APOD: variants seen among roughly 807,000 people sequenced by gnomAD.
APOD encodes apolipoprotein D.
APOD carries 22 observed loss-of-function variants against 20.4 expected under a neutral mutation model. That is an observed-to-expected ratio of 1.08 (90% CI 0.77 to 1.54). The LOEUF (loss-of-function observed/expected upper bound fraction) is 1.54. APOD is among the 40% of genes most tolerant of loss of function. The pLI, the probability that APOD is intolerant of heterozygous loss-of-function variation, is 0.00. For synonymous variants in APOD, 97 were observed against 92.4 expected (o/e 1.05, Z -0.29); for missense variants, 223 against 229.6 (o/e 0.97, Z 0.19).
At chr3:195,569,265 A>G in intron 4 of APOD, 130 bp from the exon 5 acceptor site, 2 of 739,256 alleles carry the variant, frequency 2.7e-6, no homozygotes, top group South Asian at 3.6e-5. Context: ...CAATCCAGAA[A>G]CAGAAAGACC....
chr3:195,582,675 G>C (rs533515156), intron 1 of APOD: 5 of 152,344 alleles, frequency 3.3e-5, no homozygotes, highest in African/African-American at 1.2e-4. Flanking sequence ...ATGGGAGGCA[G>C]AGGTTGCAGT....
intron 2 of APOD, among the ~76,000 whole-genome samples, chr3:195,575,982 A>T (rs1381040846): frequency 6.6e-6 from 1 of 152,208 alleles, no homozygotes; most frequent in Admixed American, 6.5e-5. Context: ...TCAGAACTTG[A>T]AAAGAGAGGA....
chr3:195,573,834 G>T lies in APOD; in HGVS notation c.245+16C>A, dbSNP rs1428510078. 1.9e-6 allele frequency: 3 copies of T among 1,612,776 alleles called. No individual in the cohort carries two copies. Among genetic ancestry groups the T allele is most frequent in the South Asian group, 1.1e-5 (1 of 90,900 alleles). On this transcript the variant is annotated intron_variant, in intron 3 of 4. Coordinates refer to ENST00000343267, the MANE Select transcript of APOD (RefSeq NM_001647.4). ...GCACTCCGCAGGCCTGGCCCCGGAC[G>T]CCCACAGCCACTCACCTCAACTCCT...
intron 4 of APOD, among the ~76,000 whole-genome samples, chr3:195,570,031 C>A (rs1224533805): frequency 6.6e-6 from 1 of 152,030 alleles, no homozygotes; most frequent in Admixed American, 6.5e-5. Context: ...GAACTCCTGA[C>A]TTCGTGATAT....
Position 195,568,812 on chromosome 3 carries a change from G to T in APOD, c.*88C>A. ...GTTCAGGTCAACTTCCTTTGTCGTG[G>T]TTGATTGGTTTGTCTTTATGGGGGG... On this transcript the variant is annotated 3_prime_UTR_variant, in exon 5 of 5. Coordinates refer to ENST00000343267, the MANE Select transcript of APOD (RefSeq NM_001647.4). 1 of 851,448 alleles carries T rather than the reference G, an allele frequency of 1.2e-6. No homozygotes were observed. The highest frequency in any genetic ancestry group is 1.9e-6 in the Non-Finnish European group (1 of 532,298). 52.7% of individuals were successfully genotyped at this position (851,448 alleles called of 1,614,324 possible).
chr3:195,582,075 A>C (rs2108971952), intron 1 of APOD, among the ~76,000 whole-genome samples: 1 of 152,280 alleles, frequency 6.6e-6, no homozygotes, highest in Non-Finnish European at 1.5e-5. Context: ...AATTACATGC[A>C]TGCCTGTAAT....
rs1386237029 is a variant in APOD, at chr3:195,570,980, C to G, written c.334+297G>C. 5 of 418,618 alleles carry G rather than the reference C, an allele frequency of 1.2e-5. No individual in the cohort carries two copies. In the East Asian group the frequency reaches 2.1e-4, roughly 18 times the overall value. The allele number at this position is 418,618 out of a possible 1,614,324, so 25.9% of individuals were successfully genotyped here. A position where few individuals can be genotyped will look rare whatever the true frequency, so the allele number is the denominator to read the frequency against. ...GGGTTGTGTCTTCTGCAGCCCACAC[C>G]CGGTGTGCACCTACTTGTGTTTCAC... On this transcript the variant is annotated intron_variant, in intron 4 of 4. Coordinates refer to ENST00000343267, the MANE Select transcript of APOD (RefSeq NM_001647.4).
At chr3:195,572,597 G>A (rs1577603069) in intron 3 of APOD, among the ~76,000 whole-genome samples, 1 of 152,198 alleles carries the variant, frequency 6.6e-6, no homozygotes, top group Admixed American at 6.5e-5. Flanking sequence ...ACCAAAGGGA[G>A]GGTGCTAAGG....
intron 3 of APOD, among the ~76,000 whole-genome samples, chr3:195,572,859 TA>T (rs796133439): frequency 4.3e-3 from 617 of 143,778 alleles, no homozygotes; most frequent in African/African-American, 8.8e-3. Context: ...AAAATACAAT[TA>T]AAAAAAAAAA....
At chr3:195,572,739 T>C (rs190081655) in intron 3 of APOD, among the ~76,000 whole-genome samples, 464 of 152,088 alleles carry the variant, frequency 3.1e-3, no homozygotes, top group Middle Eastern at 6.8e-3. Flanking sequence ...TGGCCGGGCG[T>C]GGTGGCTCAC....
chr3:195,573,986 A>G lies in APOD; in HGVS notation c.124-15T>C. The G allele has an allele frequency of 1.9e-6, 3 of 1,613,512 alleles. No individual in the cohort carries two copies. The highest frequency in any genetic ancestry group is 2.5e-6 in the Non-Finnish European group (3 of 1,179,652). ...CTTCCGAGATACTGCAGAGACAACA[A>G]GCAGAGCAAAACCCTGTGGTTCTCT... On this transcript the variant is annotated splice_polypyrimidine_tract_variant and intron_variant, in intron 2 of 4. Coordinates refer to ENST00000343267, the MANE Select transcript of APOD (RefSeq NM_001647.4).
intron 3 of APOD, 81 bp from the exon 4 acceptor site, chr3:195,571,446 G>A (rs112283782): frequency 1.5e-5 from 20 of 1,325,366 alleles, no homozygotes; most frequent in African/African-American, 2.9e-5. Context: ...AATAAGCAAC[G>A]AAAGGCAAGA....
Position 195,571,262 on chromosome 3 carries a change from A to G in APOD, c.334+15T>C. ...TTCCTGTCCCTGAATCCTCCTGGGAAAAGTGGATACTTACACCAGGAAAAC... is the reference window on the plus strand; with the variant it reads ...TTCCTGTCCCTGAATCCTCCTGGGAGAAGTGGATACTTACACCAGGAAAAC... On this transcript the variant is annotated intron_variant, in intron 4 of 4. Transcript: ENST00000343267. The G allele has an allele frequency of 6.2e-7, 1 of 1,611,966 alleles. No individual in the cohort carries two copies. The highest frequency in any genetic ancestry group is 1.1e-5 in the South Asian group (1 of 91,042).
intron 3 of APOD, among the ~76,000 whole-genome samples, chr3:195,572,829 A>G (rs1965470): frequency 0.96 from 145,615 of 152,042 alleles, 69,807 homozygotes; most frequent in East Asian, 1. Flanking sequence ...TGGCCAACAC[A>G]GTGAAACCCC....
chr3:195,573,724 T>A, intron 3 of APOD, 126 bp downstream of exon 3: 1 of 1,260,530 alleles, frequency 7.9e-7, no homozygotes, highest in East Asian at 2.4e-5. Flanking sequence ...TCCTCTCAAT[T>A]CCTGCTAGGA....
In APOD at chr3:195,579,320, C is replaced by T. The variant is rs1015123733; in HGVS notation, c.123+19G>A. The T allele has an allele frequency of 1.2e-6, 2 of 1,613,760 alleles. No homozygotes were observed. The highest frequency in any genetic ancestry group is 2.2e-5 in the East Asian group (1 of 44,870). On this transcript the variant is annotated intron_variant, in intron 2 of 4. Coordinates refer to ENST00000343267, the MANE Select transcript of APOD (RefSeq NM_001647.4). The stretch of plus-strand genomic sequence containing the variant: ...TTCACAGCGGAGGCAGCAAAACAAA[C>T]GGGAGGTTCGCCTTTTACCTTATTC...
In APOD at chr3:195,573,829, C is replaced by T. The variant is rs563470417; in HGVS notation, c.245+21G>A. ...CATCAGCACTCCGCAGGCCTGGCCC[C>T]GGACGCCCACAGCCACTCACCTCAA... On this transcript the variant is annotated intron_variant, in intron 3 of 4. Transcript: ENST00000343267. The T allele has an allele frequency of 8.4e-5, 135 of 1,611,780 alleles. 1 individual carries two copies. In the African/African-American group the frequency reaches 1.5e-3, roughly 18 times the overall value.
At chr3:195,573,239 G>C (rs761053348) in intron 3 of APOD, among the ~76,000 whole-genome samples, 10 of 152,184 alleles carry the variant, frequency 6.6e-5, no homozygotes, top group African/African-American at 1.9e-4. Context: ...GTGGAAGGTG[G>C]GTAGGAAGGA....
At chr3:195,575,866 TC>T (rs1218180252) in intron 2 of APOD, among the ~76,000 whole-genome samples, 1 of 152,108 alleles carries the variant, frequency 6.6e-6, no homozygotes, top group Non-Finnish European at 1.5e-5. Flanking sequence ...GACCTAGTGA[TC>T]CCCCTGCCTC....
Sources: gnomAD v4.1 joint callset for allele counts (sites outside exome capture counted in the v4.1 genomes callset) on GRCh38, gnomAD v4.1.1 for gene constraint, MANE v1.5 for transcripts, NCBI Gene and HGNC (gene_info 2026-07-23, HGNC 2026-07-21) for gene names.